The following GPHN variants were observed in gnomAD, a reference collection of about 807,000 sequenced individuals.
GPHN encodes gephyrin.
GPHN carries 17 observed loss-of-function variants against 95.5 expected under a neutral mutation model. The observed-to-expected ratio is 0.18, with a 90% confidence interval of 0.12 to 0.27. The LOEUF (loss-of-function observed/expected upper bound fraction) is 0.27, where lower values mean the gene tolerates loss of function less well. GPHN is among the 10% of genes least tolerant of loss of function. GPHN has a pLI of 1.00. For synonymous variants in GPHN, 320 were observed against 322.5 expected (o/e 0.99, Z 0.08); for missense variants, 660 against 978.1 (o/e 0.67, Z 4.34).
At chr14:66,620,209 C>T (rs2063233621) in intron 1 of GPHN, among the ~76,000 whole-genome samples, 2 of 152,114 alleles carry the variant, frequency 1.3e-5, no homozygotes, top group Admixed American at 1.3e-4. Context: ...ACTCAAAAGG[C>T]AGTATTGCTA....
intron 2 of GPHN, among the ~76,000 whole-genome samples, chr14:66,726,127 C>T (rs1036569730): frequency 6.6e-6 from 1 of 152,086 alleles, no homozygotes; most frequent in Non-Finnish European, 1.5e-5. Context: ...CAAATAGTGC[C>T]AAAAAGTAAA....
At chr14:67,219,868 T>G in the GPHN span, among the ~76,000 whole-genome samples, 1 of 152,172 alleles carries the variant, frequency 6.6e-6, no homozygotes, top group Non-Finnish European at 1.5e-5. Flanking sequence ...TAAGTAATCC[T>G]CTTAAGCCCA....
At chr14:66,629,994 G>C (rs910688043) in intron 1 of GPHN, among the ~76,000 whole-genome samples, 88 of 152,072 alleles carry the variant, frequency 5.8e-4, no homozygotes, top group African/African-American at 2.1e-3. Context: ...CGTAACATTA[G>C]CATGTTATTT....
chr14:66,807,026 C>A (rs116841264), intron 3 of GPHN, among the ~76,000 whole-genome samples: 2,383 of 152,166 alleles, frequency 0.016, 33 homozygotes, highest in Non-Finnish European at 0.018. Context: ...TTTACAAAAA[C>A]ATTAAAAAAA....
chr14:67,130,553 A>G (rs922284650), intron 17 of GPHN, among the ~76,000 whole-genome samples: 1 of 152,112 alleles, frequency 6.6e-6, no homozygotes, highest in African/African-American at 2.4e-5. Flanking sequence ...TATTGTGAAT[A>G]ATGCTGCAAT....
At chr14:66,770,642 C>T (rs1436913258) in intron 2 of GPHN, among the ~76,000 whole-genome samples, 2 of 152,030 alleles carry the variant, frequency 1.3e-5, no homozygotes, top group African/African-American at 4.8e-5. Flanking sequence ...CTGCATTTGC[C>T]ACACTATGTT....
At chr14:67,426,852 G>A in the GPHN span, among the ~76,000 whole-genome samples, 1 of 152,222 alleles carries the variant, frequency 6.6e-6, no homozygotes, top group African/African-American at 2.4e-5. Flanking sequence ...TGGGATTACA[G>A]GCGTGAGCCA....
chr14:67,199,066 C>A, the GPHN span: 1 of 850,988 alleles, frequency 1.2e-6, no homozygotes. Context: ...TTTGCCATGG[C>A]TACCAGGCCG....
At chr14:67,490,455 C>G in the GPHN span, among the ~76,000 whole-genome samples, 2 of 152,186 alleles carry the variant, frequency 1.3e-5, no homozygotes, top group Non-Finnish European at 2.9e-5. Flanking sequence ...GGCAAGGGGC[C>G]AAGCGCAGGT....
chr14:67,404,002 G>A, the GPHN span, among the ~76,000 whole-genome samples: 3 of 152,158 alleles, frequency 2.0e-5, no homozygotes, highest in Non-Finnish European at 2.9e-5. Context: ...GCAACAAGCT[G>A]TGATTGCGCT....
intron 9 of GPHN, among the ~76,000 whole-genome samples, chr14:67,018,755 C>T (rs1288997063): frequency 2.0e-5 from 3 of 152,174 alleles, no homozygotes; most frequent in Non-Finnish European, 4.4e-5. Context: ...ATCATAACAA[C>T]TACTGACATT....
chr14:67,114,537 A>T (rs1050689306), intron 16 of GPHN, among the ~76,000 whole-genome samples: 1 of 152,088 alleles, frequency 6.6e-6, no homozygotes, highest in Non-Finnish European at 1.5e-5. Context: ...CTAAAAAATT[A>T]AAAATAGCTA....
the GPHN span, among the ~76,000 whole-genome samples, chr14:67,214,983 A>G: frequency 6.6e-6 from 1 of 152,128 alleles, no homozygotes; most frequent in South Asian, 2.1e-4. Context: ...TTATTGGTGT[A>G]TAAGAATGCT....
chr14:67,575,717 G>C, the GPHN span: 1 of 850,288 alleles, frequency 1.2e-6, no homozygotes. Context: ...TCCTGTCATC[G>C]GTCCATATCC....
the GPHN span, chr14:67,321,315 AAT>A: frequency 6.5e-7 from 1 of 1,536,786 alleles, no homozygotes; most frequent in Non-Finnish European, 9.0e-7. Context: ...CATATAGAGT[AAT>A]CTAGTGGAAG....
chr14:67,427,477 G>A, the GPHN span, among the ~76,000 whole-genome samples: 5 of 152,138 alleles, frequency 3.3e-5, no homozygotes, highest in Admixed American at 3.3e-4. Context: ...TTTGTCAGGG[G>A]CTTCCGTCGT....
At chr14:67,666,819 C>A in the GPHN span, among the ~76,000 whole-genome samples, 1 of 152,186 alleles carries the variant, frequency 6.6e-6, no homozygotes, top group African/African-American at 2.4e-5. Flanking sequence ...CAGTCCAAGG[C>A]TTTTCTGTAT....
chr14:67,390,904 T>C, the GPHN span, among the ~76,000 whole-genome samples: 1 of 152,158 alleles, frequency 6.6e-6, no homozygotes. Context: ...AGCAATGACA[T>C]GTCACAGACC....
At chr14:66,797,986 C>G (rs749506939) in intron 3 of GPHN, among the ~76,000 whole-genome samples, 1 of 151,720 alleles carries the variant, frequency 6.6e-6, no homozygotes, top group Admixed American at 6.6e-5. Context: ...TTATTATGCT[C>G]AGTTATATTC....
Sources: allele counts gnomAD v4.1 joint callset (sites outside exome capture counted in the v4.1 genomes callset), GRCh38; gene constraint gnomAD v4.1.1; transcripts MANE v1.5; gene names NCBI Gene and HGNC (gene_info 2026-07-23, HGNC 2026-07-21).